Variants in NIPAL3 observed in about 807,000 individuals in gnomAD.
NIPAL3 encodes NIPA-like protein 3.
Under a neutral mutation model 47.2 loss-of-function variants are expected in NIPAL3, and 41 were observed. The observed-to-expected ratio is 0.87, with a 90% CI of 0.68 to 1.13. The LOEUF (loss-of-function observed/expected upper bound fraction) is 1.13, where lower values mean the gene tolerates loss of function less well. NIPAL3 is among the 50% of genes most tolerant of loss of function. NIPAL3 has a pLI of 0.00. For missense variants in NIPAL3, 449 were observed against 530.1 expected (o/e 0.85, Z 1.50); for synonymous variants, 194 against 209.6 (o/e 0.93, Z 0.64).
intron 2 of NIPAL3, chr1:24,421,920 T>C (rs1235480588): frequency 1.3e-5 from 2 of 152,230 alleles, no homozygotes; most frequent in African/African-American, 4.8e-5. Context: ...GCAGAACCCA[T>C]GCTCCTAACT....
chr1:24,437,807 G>A (rs571621631), intron 2 of NIPAL3, among the ~76,000 whole-genome samples: 1 of 152,308 alleles, frequency 6.6e-6, no homozygotes, highest in African/African-American at 2.4e-5. Context: ...GGGAATGACA[G>A]TTCCAATAAG....
At chr1:24,458,998 A>G in intron 9 of NIPAL3, 22 bp downstream of exon 9, 2 of 1,605,012 alleles carry the variant, frequency 1.2e-6, no homozygotes, top group Non-Finnish European at 1.7e-6. Flanking sequence ...CCATTGCTAG[A>G]TTTCTGTCTT....
At chr1:24,428,302 GACACC>G (rs1644720297) in intron 2 of NIPAL3, among the ~76,000 whole-genome samples, 1 of 141,504 alleles carries the variant, frequency 7.1e-6, no homozygotes, top group Non-Finnish European at 1.5e-5. Flanking sequence ...GAGAGAGAGA[GACACC>G]AGAACCTTTC....
At chr1:24,413,634 G>A (rs1344787247), upstream of NIPAL3, 3 of 152,180 alleles carry the variant, frequency 2.0e-5, no homozygotes, top group Non-Finnish European at 4.4e-5. Context: ...TCTTCCCCAC[G>A]ACCTCAGGGA....
intron 11 of NIPAL3, among the ~76,000 whole-genome samples, chr1:24,467,845 C>G (rs1413666176): frequency 6.6e-6 from 1 of 152,042 alleles, no homozygotes; most frequent in Non-Finnish European, 1.5e-5. Context: ...GCCTGGAAAA[C>G]ATAGACTCTA....
intron 2 of NIPAL3, among the ~76,000 whole-genome samples, chr1:24,437,023 G>T (rs570277651): frequency 4.5e-4 from 68 of 152,154 alleles, no homozygotes; most frequent in Non-Finnish European, 4.7e-4. Context: ...AGGCCGAAGC[G>T]GTCGGATCAT....
intron 10 of NIPAL3, 100 bp from the exon 11 acceptor site, chr1:24,463,926 C>A: frequency 2.0e-6 from 2 of 1,009,520 alleles, no homozygotes; most frequent in Non-Finnish European, 1.5e-6. Context: ...CCGCAGCCTG[C>A]AAGCCTTTTT....
intron 9 of NIPAL3, 33 bp downstream of exon 9, chr1:24,459,009 C>T (rs1461594422): frequency 5.1e-6 from 8 of 1,582,604 alleles, no homozygotes; most frequent in South Asian, 1.1e-5. Flanking sequence ...TTTCTGTCTT[C>T]TACTTTAGCA....
chr1:24,446,980 A>G (rs1376633531), intron 5 of NIPAL3, among the ~76,000 whole-genome samples: 2 of 152,134 alleles, frequency 1.3e-5, no homozygotes, highest in African/African-American at 4.8e-5. Context: ...CCACAGGTGC[A>G]AAGGATCCAA....
intron 6 of NIPAL3, among the ~76,000 whole-genome samples, chr1:24,452,014 G>A (rs1041054613): frequency 1.3e-5 from 2 of 152,158 alleles, no homozygotes; most frequent in Non-Finnish European, 2.9e-5. Context: ...TAATTAGAAG[G>A]AATGTTTTAA....
In NIPAL3 at chr1:24,454,453, A is replaced by AT. The variant is rs1274817837; in HGVS notation, c.637+954dup. Reference sequence around the variant, plus strand: ...ATGTGCACAGGTGGCTAATATGTGCATTTTTCTTCCAACCTTCCTACTGTG... The same window carrying AT: ...ATGTGCACAGGTGGCTAATATGTGCATTTTTTCTTCCAACCTTCCTACTGTG... On this transcript the variant is annotated intron_variant, in intron 7 of 11. Transcript: ENST00000374399. This position sits in a 1 kb window ranked among gnomAD's most constrained non-coding sequence, Gnocchi z 4.1. 1.0e-6 allele frequency: 1 copy of AT among 995,780 alleles called. No homozygotes were observed. Among genetic ancestry groups the AT allele is most frequent in the East Asian group, 1.1e-4 (1 of 8,958 alleles). 61.7% of individuals were successfully genotyped at this position (995,780 alleles called of 1,614,324 possible).
intron 9 of NIPAL3, 32 bp from the exon 10 acceptor site, chr1:24,460,449 T>C: frequency 6.4e-7 from 1 of 1,567,504 alleles, no homozygotes; most frequent in Non-Finnish European, 8.7e-7. Flanking sequence ...TGAAAACAGC[T>C]CAGCGGTATT....
At chr1:24,426,294 CT>C (rs67874650) in intron 2 of NIPAL3, among the ~76,000 whole-genome samples, 28,549 of 145,718 alleles carry the variant, frequency 0.2, 3,140 homozygotes, top group East Asian at 0.3. Context: ...AAGAGTCTTC[CT>C]TTTTTTTTTT....
At chr1:24,423,757 G>C (rs1318555973) in intron 2 of NIPAL3, among the ~76,000 whole-genome samples, 1 of 152,292 alleles carries the variant, frequency 6.6e-6, no homozygotes, top group East Asian at 1.9e-4. Flanking sequence ...TTTTTCTGTG[G>C]GAAAGGCATG....
At chr1:24,447,329 A>T (rs1645717791) in intron 5 of NIPAL3, among the ~76,000 whole-genome samples, 1 of 152,250 alleles carries the variant, frequency 6.6e-6, no homozygotes, top group Admixed American at 6.5e-5. Flanking sequence ...GAAAACAAGT[A>T]TAATGAAAGG....
chr1:24,448,714 G>C (rs551110822), intron 5 of NIPAL3, among the ~76,000 whole-genome samples: 1 of 139,442 alleles, frequency 7.2e-6, no homozygotes, highest in East Asian at 1.9e-4. Context: ...TGGTGGGAGT[G>C]TAAATTGGTA....
chr1:24,441,467 G>A (rs531715989), intron 3 of NIPAL3, among the ~76,000 whole-genome samples: 3 of 152,068 alleles, frequency 2.0e-5, no homozygotes, highest in African/African-American at 4.8e-5. Flanking sequence ...CTTCAGTTTC[G>A]ATGTCCCAGG....
At chr1:24,429,045 G>A (rs112561645) in intron 2 of NIPAL3, among the ~76,000 whole-genome samples, 8 of 152,176 alleles carry the variant, frequency 5.3e-5, no homozygotes, top group East Asian at 1.9e-4. Flanking sequence ...GGTCTCTTGC[G>A]GTAAAAATAA....
At position 24,470,120 on chromosome 1, in the gene NIPAL3, A is replaced by G. The variant is rs1646854085; in HGVS notation, c.*935A>G. 6.6e-6 allele frequency: 1 copy of G among 152,192 alleles called. No homozygotes were observed. Among genetic ancestry groups the G allele is most frequent in the Non-Finnish European group, 1.5e-5 (1 of 68,032 alleles). 9.4% of individuals were successfully genotyped at this position (152,192 alleles called of 1,614,324 possible). A position where few individuals can be genotyped will look rare whatever the true frequency, so the allele number is the denominator to read the frequency against. On this transcript the variant is annotated 3_prime_UTR_variant, in exon 12 of 12. Transcript: ENST00000374399. Reference sequence around the variant, plus strand: ...TCCTCCGTCTCTCCATTACAGAGCCACAAGCCAAGCTTGAGTTACTGGTTA... The same window carrying G: ...TCCTCCGTCTCTCCATTACAGAGCCGCAAGCCAAGCTTGAGTTACTGGTTA...
Sources: allele counts gnomAD v4.1 joint callset (sites outside exome capture counted in the v4.1 genomes callset), GRCh38; gene constraint gnomAD v4.1.1; non-coding constraint Gnocchi (gnomAD v3.1); transcripts MANE v1.5; gene names NCBI Gene and HGNC (gene_info 2026-07-23, HGNC 2026-07-21).